LMO7: variants seen among roughly 807,000 people sequenced by gnomAD.
LMO7 encodes LIM domain 7.
Under a neutral mutation model 206.5 loss-of-function variants are expected in LMO7, and 120 were observed. The observed-to-expected ratio is 0.58, with a 90% CI of 0.50 to 0.68. The LOEUF (loss-of-function observed/expected upper bound fraction) is 0.68, where lower values mean the gene tolerates loss of function less well. Ranked by LOEUF, LMO7 falls within the 30% of genes least tolerant of loss-of-function variation. The pLI is 0.00. For missense variants in LMO7, 1,959 were observed against 1,957.9 expected (o/e 1.00, Z -0.01); for synonymous variants, 706 against 681.5 (o/e 1.04, Z -0.56).
Position 75,848,036 on chromosome 13 carries a change from G to C in LMO7, c.4151-1043G>C, listed in dbSNP as rs144645626. Among the ~76,000 whole-genome samples, 543 of 152,160 alleles carry C rather than the reference G, an allele frequency of 3.6e-3. 5 individuals carry two copies. Among genetic ancestry groups the C allele is most frequent in the African/African-American group, 0.012 (511 of 41,504 alleles). ...GTTACATCAACTCCATCTCTCCTCT[G>C]TCATTTTGTATTTGTATTTTTTATT... On this transcript the variant is annotated intron_variant, in intron 26 of 30. Transcript: ENST00000377534.
chr13:75,857,956 T>C lies in LMO7; in HGVS notation c.*13T>C, dbSNP rs755247963. The C allele has an allele frequency of 2.5e-6, 4 of 1,610,064 alleles. No individual in the cohort carries two copies. In the South Asian group the frequency reaches 4.4e-5, roughly 18 times the overall value. On this transcript the variant is annotated 3_prime_UTR_variant, in exon 31 of 31. Transcript: ENST00000377534. ...AACCGCCATGTGATGTAAGCCTCCATACGAAAGCACTGTTGCAGATAGAAG... is the reference window on the plus strand; with the variant it reads ...AACCGCCATGTGATGTAAGCCTCCACACGAAAGCACTGTTGCAGATAGAAG...
intron 14 of LMO7, 42 bp from the exon 15 acceptor site, chr13:75,823,523 G>T (rs776791638): frequency 1.6e-5 from 23 of 1,419,614 alleles, no homozygotes; most frequent in Non-Finnish European, 1.9e-5. Context: ...CAGAAATAAA[G>T]GTAACAGAAT....
intron 3 of LMO7, among the ~76,000 whole-genome samples, chr13:75,727,367 C>T (rs1218077911): frequency 6.6e-6 from 1 of 151,736 alleles, no homozygotes; most frequent in Non-Finnish European, 1.5e-5. Context: ...AGATGACATA[C>T]TTGTGTTTTA....
At chr13:75,802,611 C>T (rs2054900237) in intron 7 of LMO7, among the ~76,000 whole-genome samples, 1 of 152,184 alleles carries the variant, frequency 6.6e-6, no homozygotes, top group African/African-American at 2.4e-5. Context: ...TTGGAATGGG[C>T]ACCTGTCCAT....
intron 15 of LMO7, among the ~76,000 whole-genome samples, chr13:75,831,891 A>G (rs1460524885): frequency 6.6e-6 from 1 of 152,182 alleles, no homozygotes; most frequent in Non-Finnish European, 1.5e-5. Flanking sequence ...CATAGCAAGT[A>G]CTATCCTAGT....
At position 75,709,117 on chromosome 13, in the gene LMO7, G is replaced by T. The variant is rs1324908974; in HGVS notation, c.70-4065G>T. ...CCAGCTTCATCCATGTCCCTAAAAA[G>T]GACATGAACTCATCATTTTTTATGG... On this transcript the variant is annotated intron_variant, in intron 1 of 30. Transcript: ENST00000377534. Among the ~76,000 whole-genome samples, 5 of 152,174 alleles carry T rather than the reference G, an allele frequency of 3.3e-5. No individual in the cohort carries two copies. In the South Asian group the frequency reaches 6.2e-4, roughly 19 times the overall value.
intron 2 of LMO7, chr13:75,627,530 A>G (rs1336342764): frequency 6.6e-6 from 1 of 152,210 alleles, no homozygotes; most frequent in Non-Finnish European, 1.5e-5. Context: ...ATTGATAGTA[A>G]GGTTATTTCT....
chr13:75,748,585 A>G (rs2047034521), intron 3 of LMO7, among the ~76,000 whole-genome samples: 1 of 152,224 alleles, frequency 6.6e-6, no homozygotes, highest in Non-Finnish European at 1.5e-5. Context: ...GTTGGGAATA[A>G]CTGGAAAATG....
In LMO7 at chr13:75,833,271, G is replaced by C. The variant is rs779933742; in HGVS notation, c.3064+106G>C. 26 of 695,098 alleles carry C rather than the reference G, an allele frequency of 3.7e-5. 1 individual carries two copies. In the East Asian group the frequency reaches 6.7e-4, roughly 18 times the overall value. 43.1% of individuals were successfully genotyped at this position (695,098 alleles called of 1,614,324 possible). A position where few individuals can be genotyped will look rare whatever the true frequency, so the allele number is the denominator to read the frequency against. On this transcript the variant is annotated intron_variant, in intron 16 of 30. Coordinates refer to ENST00000377534, the MANE Select transcript of LMO7 (RefSeq NM_001306080.2). ...TGTATTTGATATAGGAGGAGAAAAC[G>C]TGAAAAATGCAACCATAAGGCCAGA...
At chr13:75,828,716 G>A (rs1245421819) in intron 15 of LMO7, among the ~76,000 whole-genome samples, 1 of 152,118 alleles carries the variant, frequency 6.6e-6, no homozygotes, top group East Asian at 1.9e-4. Context: ...ACAAAATAAG[G>A]GCTGGAGGCA....
At chr13:75,645,132 A>T (rs1483928573) in intron 1 of LMO7, among the ~76,000 whole-genome samples, 1 of 152,222 alleles carries the variant, frequency 6.6e-6, no homozygotes, top group Non-Finnish European at 1.5e-5. Flanking sequence ...ATCTTCTCTC[A>T]TGTGACCTAC....
intron 9 of LMO7, 82 bp from the exon 10 acceptor site, chr13:75,807,398 C>T: frequency 6.9e-7 from 1 of 1,452,808 alleles, no homozygotes; most frequent in Admixed American, 2.0e-5. Flanking sequence ...CTGCTAATCA[C>T]CTTTGGCTAG....
intron 2 of LMO7, among the ~76,000 whole-genome samples, chr13:75,726,239 C>T (rs1259223008): frequency 6.6e-6 from 1 of 151,912 alleles, no homozygotes; most frequent in Non-Finnish European, 1.5e-5. Context: ...CAACCTGGCA[C>T]AGTGTCAGTG....
At chr13:75,712,866 A>T (rs949804458) in intron 1 of LMO7, among the ~76,000 whole-genome samples, 1 of 152,210 alleles carries the variant, frequency 6.6e-6, no homozygotes, top group Non-Finnish European at 1.5e-5. Flanking sequence ...ATAGGTTTTT[A>T]AAAAATATAT....
At chr13:75,849,380 G>A in intron 27 of LMO7, 88 bp downstream of exon 27, 1 of 1,031,610 alleles carries the variant, frequency 9.7e-7, no homozygotes, top group Non-Finnish European at 1.5e-6. Context: ...GGACAGAAGA[G>A]ATGAAAGGAA....
chr13:75,715,560 A>G (rs928097228), intron 2 of LMO7, among the ~76,000 whole-genome samples: 4 of 152,234 alleles, frequency 2.6e-5, no homozygotes, highest in Admixed American at 2.6e-4. Context: ...GTAAATCTGA[A>G]GCCATGGTAA....
intron 16 of LMO7, among the ~76,000 whole-genome samples, chr13:75,833,722 T>G (rs145281279): frequency 4.6e-5 from 7 of 151,618 alleles, no homozygotes; most frequent in Non-Finnish European, 8.8e-5. Flanking sequence ...TATTTTTTAG[T>G]TTTTTTTACA....
rs545965062 is a variant in LMO7, at chr13:75,858,008, C to G, written c.*65C>G. The G allele has an allele frequency of 2.5e-6, 4 of 1,589,802 alleles. No individual in the cohort carries two copies. In the East Asian group the frequency reaches 9.1e-5, roughly 36 times the overall value. ...AGAGGTGGTTGCTGCTCATGTAGAT[C>G]TATAAATATGTGTTGTATGTCTTTT... On this transcript the variant is annotated 3_prime_UTR_variant, in exon 31 of 31. Transcript: ENST00000377534.
In LMO7 at chr13:75,805,504, A is replaced by T; in HGVS notation, c.940A>T (p.Asn314Tyr). The change falls in exon 9 of 31, where the codon AAT becomes TAT. Residue 314 changes from asparagine to tyrosine, a missense_variant. Coordinates refer to ENST00000377534, the MANE Select transcript of LMO7 (RefSeq NM_001306080.2). The part of the protein sequence containing the change: ...SSNQRRIWGT[N>Y]VENWPTVQGT... ...TAATCAGAGGAGGATTTGGGGCACC[A>T]ATGTGGAGAACTGGCCAACTGTACA... is the stretch of plus-strand genomic sequence containing the variant. The T allele has an allele frequency of 1.2e-6, 2 of 1,614,004 alleles. No individual in the cohort carries two copies. The highest frequency in any genetic ancestry group is 1.7e-6 in the Non-Finnish European group (2 of 1,179,862).
Sources: allele counts gnomAD v4.1 joint callset (sites outside exome capture counted in the v4.1 genomes callset), GRCh38; gene constraint gnomAD v4.1.1; transcripts MANE v1.5; gene names NCBI Gene and HGNC (gene_info 2026-07-23, HGNC 2026-07-21).